EIF3M: variants seen among roughly 807,000 people sequenced by gnomAD.
The protein encoded by EIF3M is B5 receptor.
A neutral mutation model predicts 49.7 loss-of-function variants in EIF3M; 25 were observed. The observed-to-expected ratio is 0.50, with a 90% confidence interval of 0.37 to 0.70. EIF3M has a LOEUF of 0.70. Among genes scored for constraint, EIF3M ranks in the 30% least tolerant of loss-of-function variants. The pLI, the probability that EIF3M is intolerant of heterozygous loss-of-function variation, is 0.00. For missense variants in EIF3M, 350 were observed against 440.0 expected, an observed-to-expected ratio of 0.80 and a Z score of 1.83; for synonymous variants, 156 against 149.8, an observed-to-expected ratio of 1.04 and a Z score of -0.30.
chr11:32,588,408 A>G (rs1001068880), intron 2 of EIF3M, among the ~76,000 whole-genome samples, 186 bp from the exon 3 acceptor site: 1 of 142,686 alleles, frequency 7.0e-6, no homozygotes. Context: ...AAAAAAAAAA[A>G]AAAGAAACCA....
intron 5 of EIF3M, among the ~76,000 whole-genome samples, chr11:32,591,084 T>C (rs201874): frequency 0.45 from 68,166 of 151,934 alleles, 15,902 homozygotes; most frequent in African/African-American, 0.54. Flanking sequence ...CTCCTGACCC[T>C]GTGATCCTCC....
At chr11:32,586,290 T>G (rs1215179017) in intron 1 of EIF3M, among the ~76,000 whole-genome samples, 1 of 151,664 alleles carries the variant, frequency 6.6e-6, no homozygotes, top group Non-Finnish European at 1.5e-5. Context: ...CCATAAAGAG[T>G]CCCAGAAGAA....
rs572329372 is a variant in EIF3M at position 32,588,250 on chromosome 11, G to T, written c.176-344G>T. Among the ~76,000 whole-genome samples the T allele has an allele frequency of 2.4e-3, 370 of 152,048 alleles. 2 individuals are homozygous for T. The highest frequency in any genetic ancestry group is 4.4e-3 in the Non-Finnish European group (296 of 67,948). On this transcript the variant is annotated intron_variant, in intron 2 of 10. Coordinates refer to ENST00000531120, the MANE Select transcript of EIF3M (RefSeq NM_006360.6). ...CTAAAAATACAAAAATTAGCCGGGC[G>T]TGGTGGCGGGTGCCTGTAGTCCCAG...
chr11:32,586,745 C>T (rs138909973), intron 1 of EIF3M, among the ~76,000 whole-genome samples: 102 of 152,264 alleles, frequency 6.7e-4, no homozygotes, highest in Non-Finnish European at 1.4e-3. Flanking sequence ...TGCTGGAAGT[C>T]CAGCAGGGTG....
chr11:32,599,903 A>G (rs908130366), intron 8 of EIF3M, among the ~76,000 whole-genome samples: 1 of 151,884 alleles, frequency 6.6e-6, no homozygotes, highest in Non-Finnish European at 1.5e-5. Flanking sequence ...GGACTGGGTA[A>G]TTCCTTAAGT....
chr11:32,598,873 TAAG>T (rs1054593184), intron 8 of EIF3M, among the ~76,000 whole-genome samples: 3 of 152,106 alleles, frequency 2.0e-5, no homozygotes, highest in Admixed American at 1.3e-4. Context: ...TATTCATTGA[TAAG>T]AAAAAATTCG....
rs1215998160 is a variant in EIF3M, at chr11:32,583,942, C to T, written c.42+13C>T. 6.2e-7 allele frequency: 1 copy of T among 1,613,766 alleles called. No individual in the cohort carries two copies. Among genetic ancestry groups the T allele is most frequent in the Non-Finnish European group, 8.5e-7 (1 of 1,179,832 alleles). On this transcript the variant is annotated intron_variant, in intron 1 of 10. Coordinates refer to ENST00000531120, the MANE Select transcript of EIF3M (RefSeq NM_006360.6). ...TGAAGAAGATCAGGTGTGCTTCGGT[C>T]TACGGGTGCCGCCACGGTGGGGTGG... is the stretch of plus-strand genomic sequence containing the variant.
intron 7 of EIF3M, 130 bp downstream of exon 7, chr11:32,595,143 A>G (rs1212138425): frequency 4.1e-6 from 3 of 727,120 alleles, no homozygotes; most frequent in South Asian, 2.0e-5. Context: ...AGAACTATGT[A>G]TTCTTTTTAT....
chr11:32,590,586 A>G (rs1855084425), intron 5 of EIF3M, among the ~76,000 whole-genome samples: 1 of 152,224 alleles, frequency 6.6e-6, no homozygotes, highest in Non-Finnish European at 1.5e-5. Flanking sequence ...TCCCAAGAAG[A>G]TAGCACTTAT....
chr11:32,591,119 G>A (rs1035352888), intron 5 of EIF3M, among the ~76,000 whole-genome samples: 2 of 152,216 alleles, frequency 1.3e-5, no homozygotes, highest in Non-Finnish European at 2.9e-5. Flanking sequence ...AAAGTGCTGG[G>A]ATTACAGGCG....
chr11:32,591,418 A>T (rs1483069594), intron 5 of EIF3M, among the ~76,000 whole-genome samples: 1 of 152,196 alleles, frequency 6.6e-6, no homozygotes, highest in African/African-American at 2.4e-5. Context: ...CAAAGTTAAA[A>T]ATTCCTTAGT....
rs1424040647 is a variant in EIF3M, at chr11:32,606,085, T to C, written c.*3686T>C. ...CCTCATTCCTGGATATAATCAAGAT[T>C]GCAGTAGGCTAACAATCTAATGCTG... On this transcript the variant is annotated 3_prime_UTR_variant, in exon 11 of 11. Coordinates refer to ENST00000531120, the MANE Select transcript of EIF3M (RefSeq NM_006360.6). 3 of 152,138 alleles carry C rather than the reference T, an allele frequency of 2.0e-5. No individual in the cohort carries two copies. Among genetic ancestry groups the C allele is most frequent in the Non-Finnish European group, 4.4e-5 (3 of 68,018 alleles). 9.4% of individuals were successfully genotyped at this position (152,138 alleles called of 1,614,324 possible). A position where few individuals can be genotyped will look rare whatever the true frequency, so the allele number is the denominator to read the frequency against.
intron 4 of EIF3M, 43 bp from the exon 5 acceptor site, chr11:32,589,504 T>C: frequency 1.3e-6 from 2 of 1,552,896 alleles, no homozygotes; most frequent in Non-Finnish European, 1.8e-6. Flanking sequence ...TGTTATACTT[T>C]ATATGTGTTA....
rs1359618714 is a variant in EIF3M at position 32,604,337 on chromosome 11, T to G, written c.*1938T>G. The stretch of plus-strand genomic sequence containing the variant: ...TGCCCAGGCTGGTCTCTCTTAACTC[T>G]TGGGCTCAAGTGATCTGACCATCTC... On this transcript the variant is annotated 3_prime_UTR_variant, in exon 11 of 11. Transcript: ENST00000531120. 6.6e-6 allele frequency: 1 copy of G among 152,164 alleles called. No homozygotes were observed. The highest frequency in any genetic ancestry group is 1.5e-5 in the Non-Finnish European group (1 of 68,036). The allele number at this position is 152,164 out of a possible 1,614,324, so 9.4% of individuals were successfully genotyped here. A position where few individuals can be genotyped will look rare whatever the true frequency, so the allele number is the denominator to read the frequency against.
At chr11:32,586,631 T>C (rs1314055988) in intron 1 of EIF3M, among the ~76,000 whole-genome samples, 1 of 152,224 alleles carries the variant, frequency 6.6e-6, no homozygotes, top group Non-Finnish European at 1.5e-5. Flanking sequence ...TGTTCATTTC[T>C]TTCAAAAAAA....
Position 32,594,905 on chromosome 11 carries a change from C to A in EIF3M, c.618-9C>A, listed in dbSNP as rs1160107236. 2 of 1,600,442 alleles carry A rather than the reference C, an allele frequency of 1.2e-6. No homozygotes were observed. Among genetic ancestry groups the A allele is most frequent in the Admixed American group, 3.5e-5 (2 of 57,576 alleles). ...AACCCTGAGCTTACATTTTTGTTCT[C>A]TAATTAAGGTGTATTGTACGAGCAT... On this transcript the variant is annotated splice_polypyrimidine_tract_variant and intron_variant, in intron 6 of 10. Transcript: ENST00000531120.
At chr11:32,601,854 A>G (rs1046786999) in intron 10 of EIF3M, 32 bp downstream of exon 10, 2 of 1,603,498 alleles carry the variant, frequency 1.2e-6, no homozygotes, top group Admixed American at 3.4e-5. Context: ...AGCATTTTAT[A>G]GAACGATTTA....
At chr11:32,597,255 T>G (rs1026153310) in intron 8 of EIF3M, among the ~76,000 whole-genome samples, 1 of 152,240 alleles carries the variant, frequency 6.6e-6, no homozygotes, top group Non-Finnish European at 1.5e-5. Flanking sequence ...TGTAGAAGAC[T>G]TTATTCCTTA....
At chr11:32,595,877 T>G in intron 7 of EIF3M, 89 bp from the exon 8 acceptor site, 2 of 1,016,560 alleles carry the variant, frequency 2.0e-6, no homozygotes, top group Non-Finnish European at 1.4e-6. Flanking sequence ...GTCAGTATCT[T>G]TAAAATAATA....
Sources: allele counts gnomAD v4.1 joint callset (sites outside exome capture counted in the v4.1 genomes callset), GRCh38; gene constraint gnomAD v4.1.1; transcripts MANE v1.5; gene names NCBI Gene and HGNC (gene_info 2026-07-23, HGNC 2026-07-21).